The following INPP4B variants were observed in gnomAD, a reference collection of about 807,000 sequenced individuals.
INPP4B encodes the protein inositol polyphosphate-4-phosphatase type II B.
Under a neutral mutation model 122.5 loss-of-function variants are expected in INPP4B, and 55 were observed. The observed-to-expected ratio is 0.45, with a 90% confidence interval of 0.36 to 0.56. The LOEUF (loss-of-function observed/expected upper bound fraction) is 0.56. INPP4B is among the 20% of genes least tolerant of loss of function. INPP4B has a pLI of 0.00. For synonymous variants in INPP4B, 403 were observed against 388.7 expected (o/e 1.04, Z -0.43); for missense variants, 1,000 against 1,097.7 (o/e 0.91, Z 1.26).
chr4:142,320,662 C>T (rs757160310), intron 7 of INPP4B, among the ~76,000 whole-genome samples: 5 of 152,128 alleles, frequency 3.3e-5, no homozygotes, highest in Non-Finnish European at 5.9e-5. Context: ...CCCACCCTTC[C>T]CCAAGTCCCC....
chr4:142,299,816 A>C (rs372951204), intron 9 of INPP4B, among the ~76,000 whole-genome samples: 2 of 152,008 alleles, frequency 1.3e-5, no homozygotes, highest in East Asian at 3.9e-4. Flanking sequence ...CCCCCCAAAA[A>C]ACTGGAAGAC....
intron 8 of INPP4B, among the ~76,000 whole-genome samples, chr4:142,313,204 C>T (rs1766219751): frequency 6.6e-6 from 1 of 152,098 alleles, no homozygotes; most frequent in Admixed American, 6.5e-5. Flanking sequence ...TTGGAGAAAT[C>T]TACACGACTG....
At chr4:142,396,786 A>T (rs1799510717) in intron 7 of INPP4B, among the ~76,000 whole-genome samples, 1 of 152,282 alleles carries the variant, frequency 6.6e-6, no homozygotes, top group East Asian at 1.9e-4. Flanking sequence ...TGGGCTAATG[A>T]TTCATGCAGG....
chr4:142,285,239 C>T (rs543711299), intron 9 of INPP4B, among the ~76,000 whole-genome samples: 5 of 151,882 alleles, frequency 3.3e-5, no homozygotes, highest in South Asian at 2.1e-4. Flanking sequence ...GCCTGAGAGG[C>T]CATTGAGCTA....
At chr4:142,152,579 A>G (rs899677018) in intron 17 of INPP4B, among the ~76,000 whole-genome samples, 18 of 152,168 alleles carry the variant, frequency 1.2e-4, no homozygotes, top group African/African-American at 4.1e-4. Flanking sequence ...GGGCGTTTTT[A>G]AATTTCAAAA....
At chr4:142,627,439 T>A (rs1308835671) in intron 2 of INPP4B, among the ~76,000 whole-genome samples, 1 of 143,996 alleles carries the variant, frequency 6.9e-6, no homozygotes, top group Non-Finnish European at 1.5e-5. Flanking sequence ...CAATACCTAA[T>A]TTATTGAGAG....
intron 25 of INPP4B, among the ~76,000 whole-genome samples, chr4:142,048,496 G>A (rs1480431459): frequency 6.6e-6 from 1 of 151,990 alleles, no homozygotes; most frequent in East Asian, 1.9e-4. Flanking sequence ...AAGGGCATCT[G>A]GTGAAAGATG....
At chr4:142,836,144 C>A (rs1353698333) in intron 1 of INPP4B, among the ~76,000 whole-genome samples, 1 of 152,150 alleles carries the variant, frequency 6.6e-6, no homozygotes, top group Non-Finnish European at 1.5e-5. Flanking sequence ...AAATCTAATT[C>A]TCCTCAATTC....
intron 2 of INPP4B, among the ~76,000 whole-genome samples, chr4:142,629,653 C>T (rs1747483634): frequency 6.6e-6 from 1 of 151,918 alleles, no homozygotes; most frequent in Non-Finnish European, 1.5e-5. Context: ...CATGAAAAAA[C>T]ATGACACACT....
At chr4:142,053,776 C>T (rs1283532642) in intron 25 of INPP4B, among the ~76,000 whole-genome samples, 2 of 152,028 alleles carry the variant, frequency 1.3e-5, no homozygotes, top group Non-Finnish European at 2.9e-5. Context: ...ACAATAAGAA[C>T]CCCGATTCAG....
chr4:142,122,037 A>G, intron 21 of INPP4B, 91 bp downstream of exon 21: 1 of 801,434 alleles, frequency 1.2e-6, no homozygotes, highest in Non-Finnish European at 2.1e-6. Context: ...AATATTCCCA[A>G]ATCAAACCTG....
chr4:142,459,645 C>T lies in INPP4B; in HGVS notation c.-127+3018G>A, dbSNP rs540898299. Among the ~76,000 whole-genome samples the T allele has an allele frequency of 9.9e-5, 15 of 152,194 alleles. No individual in the cohort carries two copies. In the South Asian group the frequency reaches 2.5e-3, roughly 25 times the overall value. ...TTATTCAGTCTGGCTAGAATCTCTA[C>T]TATCAATGAATGAAAAAAATCACAG... On this transcript the variant is annotated intron_variant, in intron 3 of 25. Transcript: ENST00000262992.
intron 9 of INPP4B, among the ~76,000 whole-genome samples, chr4:142,271,110 T>G (rs1417602768): frequency 6.8e-6 from 1 of 146,972 alleles, no homozygotes; most frequent in Non-Finnish European, 1.5e-5. Flanking sequence ...ATTACAGGCA[T>G]GTGCCACCAT....
At chr4:142,397,522 T>A (rs1272079423) in intron 7 of INPP4B, among the ~76,000 whole-genome samples, 1 of 152,156 alleles carries the variant, frequency 6.6e-6, no homozygotes, top group Non-Finnish European at 1.5e-5. Context: ...CTTGTTTTAG[T>A]AATTGATCAA....
intron 17 of INPP4B, among the ~76,000 whole-genome samples, chr4:142,156,524 T>C (rs150361567): frequency 5.9e-5 from 9 of 152,284 alleles, no homozygotes; most frequent in African/African-American, 2.2e-4. Flanking sequence ...CAGATTGTTA[T>C]ACAATCCCAA....
At chr4:142,373,667 T>C (rs956506863) in intron 7 of INPP4B, among the ~76,000 whole-genome samples, 1 of 151,960 alleles carries the variant, frequency 6.6e-6, no homozygotes, top group Admixed American at 6.6e-5. Context: ...CCTAGAGAAA[T>C]GTGTCTGATA....
chr4:142,096,158 C>T (rs1781692566), intron 23 of INPP4B: 1 of 152,096 alleles, frequency 6.6e-6, no homozygotes. Context: ...GACTGGTATA[C>T]TGGGAGGCCA....
At chr4:142,367,357 C>T (rs1254007864) in intron 7 of INPP4B, among the ~76,000 whole-genome samples, 2 of 152,010 alleles carry the variant, frequency 1.3e-5, no homozygotes, top group Non-Finnish European at 2.9e-5. Flanking sequence ...TAATTACCTA[C>T]CTCAGCTTTC....
At chr4:142,073,803 G>T (rs1209297350) in intron 25 of INPP4B, among the ~76,000 whole-genome samples, 1 of 152,014 alleles carries the variant, frequency 6.6e-6, no homozygotes, top group Non-Finnish European at 1.5e-5. Context: ...TGGCATAACT[G>T]CTCTCCATAG....
Sources: gnomAD v4.1 joint callset for allele counts (sites outside exome capture counted in the v4.1 genomes callset) on GRCh38, gnomAD v4.1.1 for gene constraint, MANE v1.5 for transcripts, NCBI Gene and HGNC (gene_info 2026-07-23, HGNC 2026-07-21) for gene names.